The following GPC5 variants were observed in gnomAD, a reference collection of about 807,000 sequenced individuals.
GPC5 encodes glypican 5, also known as glypican-5.
GPC5 carries 47 observed loss-of-function variants against 53.9 expected under a neutral mutation model. That is an observed-to-expected ratio of 0.87 (90% CI 0.69 to 1.11). The LOEUF (loss-of-function observed/expected upper bound fraction) is 1.11, where lower values mean the gene tolerates loss of function less well. Ranked by LOEUF, GPC5 falls within the 50% of genes most tolerant of loss-of-function variation. The pLI, the probability that GPC5 is intolerant of heterozygous loss-of-function variation, is 0.00. For missense variants in GPC5, 748 were observed against 713.1 expected, an observed-to-expected ratio of 1.05 and a Z score of -0.56; for synonymous variants, 286 against 263.3, an observed-to-expected ratio of 1.09 and a Z score of -0.84.
rs376827330 is a variant in GPC5, at chr13:91,847,087, C to T, written c.1281-60850C>T. 1.8e-4 allele frequency among the ~76,000 whole-genome samples: 27 copies of T among 151,698 alleles called. No homozygotes were observed. In the East Asian group the frequency reaches 3.9e-3, roughly 22 times the overall value. On this transcript the variant is annotated intron_variant, in intron 5 of 7. Coordinates refer to ENST00000377067, the MANE Select transcript of GPC5 (RefSeq NM_004466.6). The stretch of plus-strand genomic sequence containing the variant: ...ACAAAAAATTAGCCGGGTGCGGTGG[C>T]GGGCACCTGTAGTCCCAGCTACTCG...
intron 5 of GPC5, among the ~76,000 whole-genome samples, chr13:91,833,200 G>A (rs554964770): frequency 6.6e-6 from 1 of 152,236 alleles, no homozygotes; most frequent in Admixed American, 6.5e-5. Context: ...CCAGGAAGAA[G>A]TCAAATCCCT....
intron 2 of GPC5, among the ~76,000 whole-genome samples, chr13:91,454,263 C>T (rs1043803483): frequency 6.6e-6 from 1 of 152,042 alleles, no homozygotes; most frequent in Non-Finnish European, 1.5e-5. Context: ...GGAAATAAAG[C>T]TTGCTTCATA....
intron 2 of GPC5, among the ~76,000 whole-genome samples, chr13:91,635,587 CT>C (rs746162506): frequency 1.1e-4 from 17 of 151,964 alleles, no homozygotes; most frequent in Non-Finnish European, 2.1e-4. Context: ...GCTTCAATGT[CT>C]TTATTATTAT....
intron 7 of GPC5, among the ~76,000 whole-genome samples, chr13:92,246,646 A>G (rs1362754790): frequency 1.3e-5 from 2 of 152,168 alleles, no homozygotes; most frequent in Non-Finnish European, 2.9e-5. Flanking sequence ...TCAGCCCTTC[A>G]TATGTAAAAG....
At chr13:92,290,902 G>A (rs1295240300) in intron 7 of GPC5, among the ~76,000 whole-genome samples, 1 of 152,124 alleles carries the variant, frequency 6.6e-6, no homozygotes, top group Non-Finnish European at 1.5e-5. Flanking sequence ...AGGCGCTGGC[G>A]GAAACCGGGG....
intron 7 of GPC5, among the ~76,000 whole-genome samples, chr13:92,632,057 C>G (rs1951655176): frequency 1.3e-5 from 2 of 152,158 alleles, no homozygotes; most frequent in Non-Finnish European, 2.9e-5. Context: ...ATAGACTAAA[C>G]TGGCCTAACA....
chr13:91,866,777 A>C (rs556481495), intron 5 of GPC5, among the ~76,000 whole-genome samples: 1 of 152,318 alleles, frequency 6.6e-6, no homozygotes, highest in Admixed American at 6.5e-5. Flanking sequence ...AAATTTCTAA[A>C]TTCACCCACT....
Position 91,645,636 on chromosome 13 carries a change from A to G in GPC5, c.326-47551A>G, listed in dbSNP as rs117424372. Among the ~76,000 whole-genome samples the G allele has an allele frequency of 1.3e-3, 200 of 152,344 alleles. 5 individuals carry two copies. The East Asian group carries it at 0.033, about 25-fold the overall frequency. On this transcript the variant is annotated intron_variant, in intron 2 of 7. Coordinates refer to ENST00000377067, the MANE Select transcript of GPC5 (RefSeq NM_004466.6). ...GGTCACTTTGAGAAAGGATTTCCTT[A>G]TCCTACTACTACGTTATGTATTACT...
At chr13:91,579,844 C>T (rs975353495) in intron 2 of GPC5, among the ~76,000 whole-genome samples, 4 of 151,714 alleles carry the variant, frequency 2.6e-5, no homozygotes, top group Admixed American at 6.6e-5. Context: ...CCTGGTTGGT[C>T]TCGAACTCCT....
chr13:92,624,633 C>A (rs949013090), intron 7 of GPC5, among the ~76,000 whole-genome samples: 3 of 152,180 alleles, frequency 2.0e-5, no homozygotes. Context: ...GTTCTCTAAG[C>A]CCCACTTTAC....
In GPC5 at chr13:92,607,758, T is replaced by TA. The variant is rs1408629935; in HGVS notation, c.1562-258523dup. 2.2e-4 allele frequency among the ~76,000 whole-genome samples: 33 copies of TA among 152,330 alleles called. 1 individual carries two copies. Among genetic ancestry groups the TA allele is most frequent in the African/African-American group, 7.9e-4 (33 of 41,586 alleles). ...TAATGTATGCATTTCATCACATACTTACTATTTTTTGTGGTGACAACACTT... is the reference window on the plus strand; with the variant it reads ...TAATGTATGCATTTCATCACATACTTAACTATTTTTTGTGGTGACAACACTT... On this transcript the variant is annotated intron_variant, in intron 7 of 7. Coordinates refer to ENST00000377067, the MANE Select transcript of GPC5 (RefSeq NM_004466.6).
intron 7 of GPC5, among the ~76,000 whole-genome samples, chr13:92,713,678 G>A (rs1888229543): frequency 6.6e-6 from 1 of 150,872 alleles, no homozygotes; most frequent in African/African-American, 2.4e-5. Flanking sequence ...GAGATGAGAT[G>A]ACACTACATA....
intron 7 of GPC5, among the ~76,000 whole-genome samples, chr13:92,839,349 T>C (rs1878340898): frequency 6.6e-6 from 1 of 152,344 alleles, no homozygotes; most frequent in Non-Finnish European, 1.5e-5. Context: ...GTTTGTTACA[T>C]AGGTAAACTT....
At chr13:92,743,177 G>A (rs924651605) in intron 7 of GPC5, among the ~76,000 whole-genome samples, 4 of 152,016 alleles carry the variant, frequency 2.6e-5, no homozygotes, top group African/African-American at 9.7e-5. Flanking sequence ...ACCTAGGGCA[G>A]TATGGCCATT....
Position 91,398,803 on chromosome 13 carries a change from C to T in GPC5, c.-244C>T. On this transcript the variant is annotated 5_prime_UTR_variant, in exon 1 of 8. Transcript: ENST00000377067. ...GCCCCGCCCAGCCGCCCACTCTTCT[C>T]GGCTAGGGAAGAAGACCAGAGGGTG... 4.5e-6 allele frequency: 2 copies of T among 442,050 alleles called. No homozygotes were observed. Among genetic ancestry groups the T allele is most frequent in the Non-Finnish European group, 7.9e-6 (2 of 251,962 alleles). The allele number at this position is 442,050 out of a possible 1,614,324, so 27.4% of individuals were successfully genotyped here. A position where few individuals can be genotyped will look rare whatever the true frequency, so the allele number is the denominator to read the frequency against.
In GPC5 at chr13:91,448,806, C is replaced by T. The variant is rs1566407567; in HGVS notation, c.209C>T (p.Thr70Ile). ...VCISKKPTCC[T>I]RKMEERYQIA... is the part of the protein sequence containing the mutation. Reference sequence around the variant, plus strand: ...ATATCCAAAAAGCCTACATGTTGCACCAGGAAGATGGAGGAGAGATATCAG... The same window carrying T: ...ATATCCAAAAAGCCTACATGTTGCATCAGGAAGATGGAGGAGAGATATCAG... The change falls in exon 2 of 8, where the codon ACC (threonine) becomes ATC (isoleucine). Residue 70 changes from threonine to isoleucine, a missense_variant. Thr to Ile is a moderately conservative substitution (Grantham distance 89). Coordinates refer to ENST00000377067, the MANE Select transcript of GPC5 (RefSeq NM_004466.6). 3 of 1,613,698 alleles carry T rather than the reference C, an allele frequency of 1.9e-6. No homozygotes were observed. The highest frequency in any genetic ancestry group is 1.7e-6 in the Non-Finnish European group (2 of 1,179,776).
chr13:92,726,372 TA>T (rs1468326728), intron 7 of GPC5, among the ~76,000 whole-genome samples: 1 of 151,526 alleles, frequency 6.6e-6, no homozygotes, highest in Non-Finnish European at 1.5e-5. Context: ...AATTCTGTAC[TA>T]TTTTTTTGTG....
intron 7 of GPC5, among the ~76,000 whole-genome samples, chr13:92,590,376 G>A (rs1025063713): frequency 3.9e-5 from 6 of 151,986 alleles, no homozygotes; most frequent in South Asian, 2.1e-4. Flanking sequence ...AAAAGGGAGT[G>A]TTCCACGCCC....
At chr13:92,203,200 C>T (rs1030884577) in intron 7 of GPC5, among the ~76,000 whole-genome samples, 43 of 151,590 alleles carry the variant, frequency 2.8e-4, no homozygotes, top group Middle Eastern at 3.4e-3. Flanking sequence ...ATGTTTATTG[C>T]GGCACTATTC....
Sources: gnomAD v4.1 joint callset for allele counts (sites outside exome capture counted in the v4.1 genomes callset) on GRCh38, gnomAD v4.1.1 for gene constraint, MANE v1.5 for transcripts, NCBI Gene and HGNC (gene_info 2026-07-23, HGNC 2026-07-21) for gene names.